Variants in NSD2 observed in about 807,000 individuals in gnomAD.
NSD2 encodes the protein nuclear receptor binding SET domain protein 2, also known as histone-lysine N-methyltransferase NSD2.
NSD2 carries 12 observed loss-of-function variants against 139.0 expected under a neutral mutation model. The ratio of observed to expected loss-of-function variants is 0.09; its 90% CI spans 0.06 to 0.14. The LOEUF (loss-of-function observed/expected upper bound fraction) is 0.14. Ranked by LOEUF, NSD2 falls within the 10% of genes least tolerant of loss-of-function variation. The pLI, the probability that NSD2 is intolerant of heterozygous loss-of-function variation, is 1.00. For synonymous variants in NSD2, 669 were observed against 648.7 expected, an observed-to-expected ratio of 1.03 and a Z score of -0.48; for missense variants, 1,155 against 1,745.0, an observed-to-expected ratio of 0.66 and a Z score of 6.02.
intron 1 of NSD2, among the ~76,000 whole-genome samples, chr4:1,874,058 G>A (rs1253192287): frequency 1.3e-5 from 2 of 152,184 alleles, no homozygotes; most frequent in African/African-American, 2.4e-5. Flanking sequence ...GGGCAAGTGG[G>A]CAAATAACCT....
At position 1,956,623 on chromosome 4, in the gene NSD2, G is replaced by T. The variant is rs1724829688; in HGVS notation, c.2881+435G>T. The stretch of plus-strand genomic sequence containing the variant: ...GCTTGGCCTCTGATTCCCCAGCTGG[G>T]GTGGGAGGCAGGAGCAACGATGTGG... On this transcript the variant is annotated intron_variant, in intron 15 of 21. Coordinates refer to ENST00000508803, the MANE Select transcript of NSD2 (RefSeq NM_001042424.3). This position sits in a 1 kb window ranked among gnomAD's most constrained non-coding sequence, Gnocchi z 5.3. 6.6e-6 allele frequency among the ~76,000 whole-genome samples: 1 copy of T among 152,208 alleles called. No homozygotes were observed. The highest frequency in any genetic ancestry group is 2.4e-5 in the African/African-American group (1 of 41,446).
intron 2 of NSD2, among the ~76,000 whole-genome samples, chr4:1,901,552 A>G (rs988943727): frequency 2.0e-5 from 3 of 152,252 alleles, no homozygotes; most frequent in Admixed American, 6.5e-5. Context: ...TGGTTCTGCC[A>G]GTTTCAGAGC....
At chr4:1,944,519 T>C in intron 9 of NSD2, 4 of 1,065,548 alleles carry the variant, frequency 3.8e-6, no homozygotes, top group African/African-American at 1.6e-5. Context: ...ACACACTATG[T>C]CTGTGCTTGG....
chr4:1,874,870 G>A (rs1714133872), intron 1 of NSD2, among the ~76,000 whole-genome samples: 1 of 152,208 alleles, frequency 6.6e-6, no homozygotes, highest in South Asian at 2.1e-4. Context: ...CCTTTTTAAT[G>A]AATGGTTATT....
At chr4:1,945,913 C>A in intron 9 of NSD2, 1 of 1,058,962 alleles carries the variant, frequency 9.4e-7, no homozygotes, top group South Asian at 4.6e-5. Context: ...TTACAACACA[C>A]TTCTCTAACA....
chr4:1,961,297 GAGGTGC>G, intron 18 of NSD2, 146 bp downstream of exon 18: 1 of 686,810 alleles, frequency 1.5e-6, no homozygotes, highest in African/African-American at 1.8e-5. Context: ...ATTTTCTTCT[GAGGTGC>G]AGCGTGTCTT....
chr4:1,873,659 G>C (rs1714036141), intron 1 of NSD2, among the ~76,000 whole-genome samples: 1 of 152,190 alleles, frequency 6.6e-6, no homozygotes, highest in Non-Finnish European at 1.5e-5. Flanking sequence ...CCTTCTAAAA[G>C]TAATCAAATC....
At chr4:1,968,372 G>A (rs144431902) in intron 18 of NSD2, among the ~76,000 whole-genome samples, 1 of 152,346 alleles carries the variant, frequency 6.6e-6, no homozygotes, top group East Asian at 1.9e-4. Context: ...AACACTAATG[G>A]TCACAGGGAG....
chr4:1,945,542 G>A (rs1256897628), intron 9 of NSD2: 1 of 1,065,034 alleles, frequency 9.4e-7, no homozygotes, highest in Non-Finnish European at 1.1e-6. Context: ...AAGATGATAA[G>A]AAAGTGCTCC....
chr4:1,887,705 A>G (rs1715223036), intron 1 of NSD2: 2 of 152,192 alleles, frequency 1.3e-5, no homozygotes, highest in Non-Finnish European at 2.9e-5. Flanking sequence ...GGTTTAAATG[A>G]ATATAAATTG....
In NSD2 at chr4:1,979,313, C is replaced by T. The variant is rs1331485742; in HGVS notation, c.*404C>T. ...CTAGAAACTCGTCTTCGCGTTGCCC[C>T]CTTTCTGGCTCTCAGCGCCGTCGCC... On this transcript the variant is annotated 3_prime_UTR_variant, in exon 22 of 22. Coordinates refer to ENST00000508803, the MANE Select transcript of NSD2 (RefSeq NM_001042424.3). The T allele has an allele frequency of 1.6e-5, 4 of 243,002 alleles. No homozygotes were observed. Among genetic ancestry groups the T allele is most frequent in the Non-Finnish European group, 3.2e-5 (4 of 125,270 alleles). The allele number at this position is 243,002 out of a possible 1,614,324, so 15.1% of individuals were successfully genotyped here. A position where few individuals can be genotyped will look rare whatever the true frequency, so the allele number is the denominator to read the frequency against.
At chr4:1,925,739 G>A (rs1720808132) in intron 5 of NSD2, among the ~76,000 whole-genome samples, 1 of 151,454 alleles carries the variant, frequency 6.6e-6, no homozygotes, top group Admixed American at 6.6e-5. Context: ...TACTAGTGAA[G>A]AAATGTACTT....
At position 1,918,217 on chromosome 4, in the gene NSD2, T is replaced by C. The variant is rs1238576646; in HGVS notation, c.1004T>C (p.Met335Thr). ...GTTCAAGCAGAAGAAGCTGCAAGCA[T>C]GTCAGTGGAGGAGCGGAAAGCCAAG... ...GIVQAEEAAS[M>T]SVEERKAKFT... The change falls in exon 5 of 22, where the codon ATG becomes ACG. Residue 335 changes from methionine to threonine, a missense_variant. Coordinates refer to ENST00000508803, the MANE Select transcript of NSD2 (RefSeq NM_001042424.3). The C allele has an allele frequency of 6.2e-7, 1 of 1,613,408 alleles. No homozygotes were observed. The highest frequency in any genetic ancestry group is 1.1e-5 in the South Asian group (1 of 91,070).
At position 1,935,132 on chromosome 4, in the gene NSD2, C is replaced by G. The variant is rs1722237076; in HGVS notation, c.1556-12C>G. 6.3e-7 allele frequency: 1 copy of G among 1,594,002 alleles called. No homozygotes were observed. The highest frequency in any genetic ancestry group is 8.6e-7 in the Non-Finnish European group (1 of 1,165,488). ...GGTTTTCATGTACATTTTCCCCATT[C>G]CCCATTCCAAGGTAATGTAAATGGG... On this transcript the variant is annotated splice_polypyrimidine_tract_variant and intron_variant, in intron 6 of 21. Coordinates refer to ENST00000508803, the MANE Select transcript of NSD2 (RefSeq NM_001042424.3).
intron 3 of NSD2, among the ~76,000 whole-genome samples, chr4:1,906,544 C>T (rs1717924887): frequency 6.6e-6 from 1 of 151,374 alleles, no homozygotes; most frequent in Non-Finnish European, 1.5e-5. Flanking sequence ...CGCAGCCCAA[C>T]TTATATATCA....
rs370332334 is a variant in NSD2 at position 1,945,876 on chromosome 4, A to G, written c.1882-5196A>G. 15 of 1,060,706 alleles carry G rather than the reference A, an allele frequency of 1.4e-5. No homozygotes were observed. The South Asian group carries it at 5.5e-4, about 39-fold the overall frequency. The allele number at this position is 1,060,706 out of a possible 1,614,324, so 65.7% of individuals were successfully genotyped here. On this transcript the variant is annotated intron_variant, in intron 9 of 21. Coordinates refer to ENST00000508803, the MANE Select transcript of NSD2 (RefSeq NM_001042424.3). ...AAATAAGGTCGTTATGACTTTGGCA[A>G]CTTGCTTCATTTCTTTTTCATTTGA... is the stretch of plus-strand genomic sequence containing the variant.
At chr4:1,944,813 AAAATT>A in intron 9 of NSD2, 1 of 1,063,390 alleles carries the variant, frequency 9.4e-7, no homozygotes, top group Non-Finnish European at 1.1e-6. Flanking sequence ...TGTTCATGCA[AAAATT>A]AAATGTCTTT....
chr4:1,940,220 C>A (rs1228324371), intron 9 of NSD2: 2 of 1,077,258 alleles, frequency 1.9e-6, no homozygotes, highest in Non-Finnish European at 1.1e-6. Context: ...TGCTTCCAGA[C>A]CTAGGCTCAT....
intron 12 of NSD2, 141 bp downstream of exon 12, chr4:1,953,665 G>C: frequency 2.7e-6 from 3 of 1,127,324 alleles, no homozygotes; most frequent in Non-Finnish European, 2.5e-6. Flanking sequence ...CATCGGCTGG[G>C]TTGGGTTTTC....
Sources: gnomAD v4.1 joint callset for allele counts (sites outside exome capture counted in the v4.1 genomes callset) on GRCh38, gnomAD v4.1.1 for gene constraint, Gnocchi (gnomAD v3.1) non-coding constraint, MANE v1.5 for transcripts, NCBI Gene and HGNC (gene_info 2026-07-23, HGNC 2026-07-21) for gene names.